NOP14: variants seen among roughly 807,000 people sequenced by gnomAD.
NOP14 encodes nucleolar protein 14.
A neutral mutation model predicts 101.6 loss-of-function variants in NOP14; 57 were observed. The observed-to-expected ratio is 0.56, with a 90% confidence interval of 0.45 to 0.70. The LOEUF (loss-of-function observed/expected upper bound fraction) is 0.70, where lower values mean the gene tolerates loss of function less well. NOP14 is among the 30% of genes least tolerant of loss of function. The pLI, the probability that NOP14 is intolerant of heterozygous loss-of-function variation, is 0.00. For synonymous variants in NOP14, 428 were observed against 424.0 expected (o/e 1.01, Z -0.12); for missense variants, 1,134 against 1,075.5 (o/e 1.05, Z -0.76).
chr4:2,945,346 T>C, intron 11 of NOP14, 117 bp from the exon 12 acceptor site: 1 of 760,276 alleles, frequency 1.3e-6, no homozygotes, highest in Non-Finnish European at 2.2e-6. Context: ...TGCATCTCCT[T>C]GGCCCAGAGC....
Position 2,950,632 on chromosome 4 carries a change from C to G in NOP14, c.1003-419G>C, listed in dbSNP as rs540688706. 5 of 211,128 alleles carry G rather than the reference C, an allele frequency of 2.4e-5. No homozygotes were observed. In the South Asian group the frequency reaches 4.7e-4, roughly 20 times the overall value. The allele number at this position is 211,128 out of a possible 1,614,324, so 13.1% of individuals were successfully genotyped here. On this transcript the variant is annotated intron_variant, in intron 7 of 17. Coordinates refer to ENST00000416614, the MANE Select transcript of NOP14 (RefSeq NM_001291978.2). ...CTTGAAACCTGTCCTGCCTATTTTT[C>G]TTCCCTGGACCCTGACTGATACACT...
chr4:2,947,830 C>T (rs896800686), intron 9 of NOP14, among the ~76,000 whole-genome samples: 4 of 152,154 alleles, frequency 2.6e-5, no homozygotes, highest in South Asian at 4.1e-4. Context: ...AAGGGCAAGG[C>T]GCATCCTTCT....
intron 2 of NOP14, 76 bp downstream of exon 2, chr4:2,957,530 A>G (rs1715431085): frequency 6.5e-7 from 1 of 1,545,234 alleles, no homozygotes; most frequent in Admixed American, 1.8e-5. Flanking sequence ...CAAAACATGC[A>G]GAGTCAGCCT....
chr4:2,957,817 CTTT>C, intron 1 of NOP14, 77 bp from the exon 2 acceptor site: 2 of 1,486,384 alleles, frequency 1.3e-6, no homozygotes, highest in Non-Finnish European at 1.8e-6. Flanking sequence ...ACAGTGCATA[CTTT>C]AAAGTTCAGG....
intron 1 of NOP14, among the ~76,000 whole-genome samples, chr4:2,960,448 A>T (rs1039866787): frequency 5.9e-5 from 9 of 152,136 alleles, no homozygotes; most frequent in African/African-American, 2.2e-4. Flanking sequence ...CCCTTAGGCT[A>T]TAAATACGTA....
At chr4:2,952,523 C>T in intron 5 of NOP14, 126 bp from the exon 6 acceptor site, 1 of 804,570 alleles carries the variant, frequency 1.2e-6, no homozygotes, top group Non-Finnish European at 1.8e-6. Context: ...GTAGCTAAGC[C>T]ACATCTACGT....
At chr4:2,949,818 G>A in intron 8 of NOP14, 116 bp downstream of exon 8, 1 of 1,183,128 alleles carries the variant, frequency 8.5e-7, no homozygotes, top group Admixed American at 1.8e-5. Flanking sequence ...ACTCCCAAGG[G>A]CATCCTTGGT....
chr4:2,952,049 G>A (rs1429127057), intron 6 of NOP14, among the ~76,000 whole-genome samples: 2 of 151,196 alleles, frequency 1.3e-5, no homozygotes, highest in African/African-American at 4.9e-5. Flanking sequence ...GGAGTTTGCA[G>A]TGAGCCAAGA....
chr4:2,945,216 T>A lies in NOP14; in HGVS notation c.1649A>T (p.Lys550Ile). The A allele has an allele frequency of 6.4e-7, 1 of 1,569,898 alleles. No homozygotes were observed. Among genetic ancestry groups the A allele is most frequent in the Non-Finnish European group, 8.6e-7 (1 of 1,156,378 alleles). Residue 550 changes from lysine to isoleucine, a missense_variant, in exon 12 of 18, where the codon AAA becomes ATA. By Grantham distance (102) the Lys-to-Ile change is moderately radical. Coordinates refer to ENST00000416614, the MANE Select transcript of NOP14 (RefSeq NM_001291978.2). ...LPGLDVLIYL[K>I]ITGLLFPTSD... ...AGTTGGAAATAGCAGCCCAGTGATT[T>A]TCAAATAAATGAGCTGGAAAGAAAG...
At chr4:2,950,926 T>C (rs990792834) in intron 7 of NOP14, 188 bp downstream of exon 7, 40 of 553,702 alleles carry the variant, frequency 7.2e-5, no homozygotes, top group African/African-American at 5.7e-4. Flanking sequence ...GCACATACTA[T>C]TGTTAAAGTC....
Position 2,941,862 on chromosome 4 carries a change from G to T in NOP14, c.2052-133C>A. The T allele has an allele frequency of 2.7e-6, 3 of 1,102,360 alleles. 1 individual carries two copies. In the Admixed American group the frequency reaches 7.5e-5, roughly 28 times the overall value. The allele number at this position is 1,102,360 out of a possible 1,614,324, so 68.3% of individuals were successfully genotyped here. ...CAGTGTGGCCACCTTGGCCGGCCAG[G>T]GTTGGGCCCATGCAACCACGGGCAA... On this transcript the variant is annotated intron_variant, in intron 14 of 17. Transcript: ENST00000416614.
chr4:2,951,090 AG>A (rs754570291), intron 7 of NOP14, 23 bp downstream of exon 7: 26 of 1,568,622 alleles, frequency 1.7e-5, no homozygotes, highest in Non-Finnish European at 2.3e-5. Flanking sequence ...AGAGAGAAAG[AG>A]AAAATGAAGG....
Position 2,952,380 on chromosome 4 carries a change from C to G in NOP14, c.765G>C (p.Met255Ile). Residue 255 changes from methionine to isoleucine, a missense_variant, in exon 6 of 18, where the codon ATG (methionine) becomes ATC (isoleucine). Transcript: ENST00000416614. The stretch of plus-strand genomic sequence containing the variant: ...TTTCAAAGCCAAGCTCGCGAACCAT[C>G]ATGTCATATGCATCGGGCTAAGGTA... ...KEKPKPDAYD[M>I]MVRELGFEMK... 6.2e-7 allele frequency: 1 copy of G among 1,612,662 alleles called. No individual in the cohort carries two copies. Among genetic ancestry groups the G allele is most frequent in the Non-Finnish European group, 8.5e-7 (1 of 1,179,016 alleles).
intron 1 of NOP14, among the ~76,000 whole-genome samples, chr4:2,960,776 A>G (rs1285094079): frequency 3.7e-5 from 5 of 135,756 alleles, no homozygotes; most frequent in South Asian, 4.2e-4. Context: ...TTAATATATT[A>G]ATATTATAAT....
chr4:2,954,304 A>T, intron 4 of NOP14, 120 bp downstream of exon 4: 1 of 1,138,266 alleles, frequency 8.8e-7, no homozygotes, highest in Non-Finnish European at 1.3e-6. Context: ...AAATGCTTTT[A>T]CTGAACTCAT....
At chr4:2,957,777 C>A in intron 1 of NOP14, 37 bp from the exon 2 acceptor site, 5 of 1,606,852 alleles carry the variant, frequency 3.1e-6, no homozygotes, top group Non-Finnish European at 4.3e-6. Context: ...ACAAAAAATT[C>A]TTGTGATTTC....
intron 1 of NOP14, chr4:2,961,226 TG>T (rs1715858379): frequency 5.0e-4 from 3 of 6,022 alleles, no homozygotes; most frequent in Admixed American, 2.3e-3. Flanking sequence ...ATATTAATAT[TG>T]TTAGTATATT....
chr4:2,951,208 T>C lies in NOP14; in HGVS notation c.908A>G (p.Asp303Gly), dbSNP rs763132093. The change falls in exon 7 of 18, where the codon GAT becomes GGT. Residue 303 changes from aspartate (D) to glycine (G), a missense_variant. By Grantham distance (94) the Asp-to-Gly change is moderately conservative. Coordinates refer to ENST00000416614, the MANE Select transcript of NOP14 (RefSeq NM_001291978.2). ...ATGTTTTGGTTTCTTAACATTTTCA[T>C]CCTCATCCTTTCCAAGCATTCTTCG... is the stretch of plus-strand genomic sequence containing the variant. Reference protein sequence around the residue: ...RLRRMLGKDEDENVKKPKHMS... With the variant: ...RLRRMLGKDEGENVKKPKHMS... 1 of 1,613,930 alleles carries C rather than the reference T, an allele frequency of 6.2e-7. No homozygotes were observed. The highest frequency in any genetic ancestry group is 8.5e-7 in the Non-Finnish European group (1 of 1,179,810).
chr4:2,942,193 G>T lies in NOP14; in HGVS notation c.2050C>A (p.Arg684=), dbSNP rs144256817. The part of the protein sequence containing the change: ...APTSTEANHI[R]LSCLAVGLAL... ...CCAAAGCGGGGTCCCCTCACATACCGGATGTGATTGGCCTCTGTCGAAGTT... is the reference window on the plus strand; with the variant it reads ...CCAAAGCGGGGTCCCCTCACATACCTGATGTGATTGGCCTCTGTCGAAGTT... The change falls in exon 14 of 18, where the codon CGA becomes AGA. Residue 684 remains arginine (R), a splice_region_variant and synonymous_variant. Coordinates refer to ENST00000416614, the MANE Select transcript of NOP14 (RefSeq NM_001291978.2). The T allele has an allele frequency of 6.2e-6, 10 of 1,613,640 alleles. No homozygotes were observed. In the African/African-American group the frequency reaches 1.2e-4, roughly 19 times the overall value.
Sources: gnomAD v4.1 joint callset for allele counts (sites outside exome capture counted in the v4.1 genomes callset) on GRCh38, gnomAD v4.1.1 for gene constraint, MANE v1.5 for transcripts, NCBI Gene and HGNC (gene_info 2026-07-23, HGNC 2026-07-21) for gene names.